ABHD2: variants seen among roughly 807,000 people sequenced by gnomAD.
The protein encoded by ABHD2 is abhydrolase domain containing 2, acylglycerol lipase, also known as monoacylglycerol lipase ABHD2.
Under a neutral mutation model 48.1 loss-of-function variants are expected in ABHD2, and 20 were observed. The observed-to-expected ratio is 0.42, with a 90% CI of 0.29 to 0.60. The LOEUF is 0.60. Ranked by LOEUF, ABHD2 falls within the 20% of genes least tolerant of loss-of-function variation. The pLI, the probability that ABHD2 is intolerant of heterozygous loss-of-function variation, is 0.24. For missense variants in ABHD2, 405 were observed against 550.9 expected (o/e 0.74, Z 2.65); for synonymous variants, 209 against 214.2 (o/e 0.98, Z 0.21).
intron 6 of ABHD2, among the ~76,000 whole-genome samples, chr15:89,181,701 A>G (rs1315218013): frequency 2.6e-5 from 4 of 152,226 alleles, no homozygotes; most frequent in Non-Finnish European, 5.9e-5. Context: ...CATTAGATGC[A>G]TTCTTTCCCC....
chr15:89,170,036 T>TA (rs1347339934), intron 5 of ABHD2, among the ~76,000 whole-genome samples: 2 of 148,250 alleles, frequency 1.3e-5, no homozygotes, highest in Non-Finnish European at 3.0e-5. Flanking sequence ...CCCTTGTTTT[T>TA]ATCCCTTAAG....
chr15:89,043,585 G>A, the ABHD2 span, among the ~76,000 whole-genome samples: 4 of 145,690 alleles, frequency 2.7e-5, no homozygotes, highest in Non-Finnish European at 6.0e-5. Context: ...AAGAAGAAGA[G>A]GAAGAAGGAG....
At chr15:89,077,720 C>T in the ABHD2 span, among the ~76,000 whole-genome samples, 3 of 152,162 alleles carry the variant, frequency 2.0e-5, no homozygotes, top group Non-Finnish European at 4.4e-5. Context: ...TAGCTGTCAA[C>T]CCTTCCTCCC....
chr15:89,090,099 A>G (rs1901534769), intron 1 of ABHD2, among the ~76,000 whole-genome samples: 1 of 151,630 alleles, frequency 6.6e-6, no homozygotes, highest in East Asian at 1.9e-4. Flanking sequence ...GACTTATTTC[A>G]CTCCAAGCTT....
chr15:89,052,821 C>T, the ABHD2 span, among the ~76,000 whole-genome samples: 46 of 152,250 alleles, frequency 3.0e-4, no homozygotes, highest in South Asian at 6.2e-4. Flanking sequence ...CTCCTCATGG[C>T]GCCCCTTCCC....
the ABHD2 span, among the ~76,000 whole-genome samples, chr15:89,077,774 C>A: frequency 3.3e-5 from 5 of 152,204 alleles, no homozygotes; most frequent in Non-Finnish European, 7.3e-5. Context: ...TTTTTCTCCT[C>A]CTGCCAAGTT....
chr15:89,113,556 C>T (rs779897446), intron 1 of ABHD2, among the ~76,000 whole-genome samples, 169 bp from the exon 2 acceptor site: 2 of 152,176 alleles, frequency 1.3e-5, no homozygotes, highest in Non-Finnish European at 2.9e-5. Context: ...AGCCTTCCCG[C>T]AGCAGGCTTG....
rs1399143993 is a variant in ABHD2, at chr15:89,097,932, G to T, written c.-107+9369G>T. 1.3e-5 allele frequency among the ~76,000 whole-genome samples: 2 copies of T among 151,918 alleles called. No individual in the cohort carries two copies. The highest frequency in any genetic ancestry group is 4.8e-5 in the African/African-American group (2 of 41,360). On this transcript the variant is annotated intron_variant, in intron 1 of 10. Coordinates refer to ENST00000352732, the MANE Select transcript of ABHD2 (RefSeq NM_152924.5). This position sits in a 1 kb window ranked among gnomAD's most constrained non-coding sequence, Gnocchi z 4.2. Reference sequence around the variant, plus strand: ...TTTTGAGACAGTCTCACTCTGTCACGCAGGCTGGATTGCAGTGGCAGGATC... The same window carrying T: ...TTTTGAGACAGTCTCACTCTGTCACTCAGGCTGGATTGCAGTGGCAGGATC...
At chr15:89,144,674 C>T (rs2050463604) in intron 3 of ABHD2, among the ~76,000 whole-genome samples, 1 of 152,010 alleles carries the variant, frequency 6.6e-6, no homozygotes, top group Admixed American at 6.5e-5. Context: ...TAGTGGTTGC[C>T]AGGGAATGGG....
intron 4 of ABHD2, among the ~76,000 whole-genome samples, chr15:89,152,053 C>T (rs2050600057): frequency 6.6e-6 from 1 of 151,510 alleles, no homozygotes; most frequent in Admixed American, 6.6e-5. Flanking sequence ...CCATGTAAAG[C>T]TCTTCAGAAC....
chr15:89,157,808 A>C (rs1397200075), intron 5 of ABHD2, among the ~76,000 whole-genome samples: 1 of 151,894 alleles, frequency 6.6e-6, no homozygotes, highest in East Asian at 1.9e-4. Flanking sequence ...GCGCCACTGC[A>C]CTCCAGCCTT....
intron 1 of ABHD2, among the ~76,000 whole-genome samples, chr15:89,109,831 A>G (rs187178006): frequency 2.8e-4 from 42 of 152,334 alleles, no homozygotes; most frequent in African/African-American, 9.4e-4. Flanking sequence ...ATGCTTCTAC[A>G]TTTTATACAG....
In ABHD2 at chr15:89,176,447, C is replaced by G. The variant is rs1317650407; in HGVS notation, c.722+452C>G. On this transcript the variant is annotated intron_variant, in intron 6 of 10. Coordinates refer to ENST00000352732, the MANE Select transcript of ABHD2 (RefSeq NM_152924.5). The surrounding 1 kb of genome is among the most constrained non-coding windows in gnomAD (Gnocchi z 4.5). Reference sequence around the variant, plus strand: ...GCATCTGGAAGGGATCTGTAGAAATCATTTAATCAGTGTCCTCACCTTTAA... The same window carrying G: ...GCATCTGGAAGGGATCTGTAGAAATGATTTAATCAGTGTCCTCACCTTTAA... Among the ~76,000 whole-genome samples the G allele has an allele frequency of 1.3e-5, 2 of 152,156 alleles. No homozygotes were observed. The highest frequency in any genetic ancestry group is 2.9e-5 in the Non-Finnish European group (2 of 68,028).
At chr15:89,192,585 C>G (rs1372997458) in intron 9 of ABHD2, among the ~76,000 whole-genome samples, 2 of 151,952 alleles carry the variant, frequency 1.3e-5, no homozygotes, top group Non-Finnish European at 2.9e-5. Context: ...TCATAGTTCA[C>G]CACAGCTCTG....
the ABHD2 span, among the ~76,000 whole-genome samples, chr15:89,042,118 T>C: frequency 7.2e-5 from 11 of 152,236 alleles, no homozygotes; most frequent in Admixed American, 2.0e-4. Context: ...TAGCCACTTT[T>C]GGACACCAGT....
chr15:89,122,242 T>C (rs1377266280), intron 3 of ABHD2, among the ~76,000 whole-genome samples: 1 of 152,232 alleles, frequency 6.6e-6, no homozygotes, highest in Non-Finnish European at 1.5e-5. Context: ...ATATAACTTC[T>C]GTGTCCGTTT....
chr15:89,056,761 T>C, the ABHD2 span, among the ~76,000 whole-genome samples: 1 of 152,160 alleles, frequency 6.6e-6, no homozygotes, highest in Non-Finnish European at 1.5e-5. Context: ...GAGTGAGTCA[T>C]TCACCTCACT....
chr15:89,084,697 G>A (rs1901326647), upstream of ABHD2, among the ~76,000 whole-genome samples: 1 of 152,230 alleles, frequency 6.6e-6, no homozygotes, highest in Admixed American at 6.5e-5. The surrounding 1 kb of genome is among the most constrained non-coding windows in gnomAD (Gnocchi z 4.4). Context: ...AAATGAGTGA[G>A]GACCTTAGAG....
At chr15:89,053,354 T>C in the ABHD2 span, among the ~76,000 whole-genome samples, 1 of 151,764 alleles carries the variant, frequency 6.6e-6, no homozygotes, top group Non-Finnish European at 1.5e-5. Flanking sequence ...CCTAGCAAAC[T>C]AATACAGGTA....
Sources: allele counts gnomAD v4.1 joint callset (sites outside exome capture counted in the v4.1 genomes callset), GRCh38; gene constraint gnomAD v4.1.1; non-coding constraint Gnocchi (gnomAD v3.1); transcripts MANE v1.5; gene names NCBI Gene and HGNC (gene_info 2026-07-23, HGNC 2026-07-21).